The following EYA4 variants were observed in gnomAD, a reference collection of about 807,000 sequenced individuals.
EYA4 encodes the protein protein phosphatase EYA4.
EYA4 carries 31 observed loss-of-function variants against 87.9 expected under a neutral mutation model. The ratio of observed to expected loss-of-function variants is 0.35; its 90% CI spans 0.27 to 0.48. EYA4 has a LOEUF of 0.48. Among genes scored for constraint, EYA4 ranks in the 20% least tolerant of loss-of-function variants. EYA4 has a pLI of 0.99. For synonymous variants in EYA4, 263 were observed against 270.6 expected, an observed-to-expected ratio of 0.97 and a Z score of 0.28; for missense variants, 678 against 761.4, an observed-to-expected ratio of 0.89 and a Z score of 1.29.
chr6:133,325,446 A>G (rs957045766), intron 2 of EYA4: 1 of 152,182 alleles, frequency 6.6e-6, no homozygotes, highest in African/African-American at 2.4e-5. Context: ...GAAAAATAAT[A>G]TATACATAGG....
intron 13 of EYA4, among the ~76,000 whole-genome samples, chr6:133,501,971 A>G (rs1353822629): frequency 6.6e-6 from 1 of 152,162 alleles, no homozygotes; most frequent in Non-Finnish European, 1.5e-5. Context: ...TGCCCTGGTT[A>G]TACACTGGCA....
chr6:133,484,973 C>T (rs967809817), intron 13 of EYA4, among the ~76,000 whole-genome samples: 3 of 152,144 alleles, frequency 2.0e-5, no homozygotes, highest in Non-Finnish European at 4.4e-5. Flanking sequence ...AAAGATCATT[C>T]GGACCCAAGG....
At chr6:133,281,081 A>G (rs1204804929) in intron 2 of EYA4, among the ~76,000 whole-genome samples, 1 of 152,178 alleles carries the variant, frequency 6.6e-6, no homozygotes, top group Non-Finnish European at 1.5e-5. Flanking sequence ...ATAATATTCC[A>G]TTGTATGGAG....
At chr6:133,274,647 G>A (rs1777015207) in intron 1 of EYA4, 69 bp from the exon 2 acceptor site, 13 of 777,648 alleles carry the variant, frequency 1.7e-5, no homozygotes, top group South Asian at 3.0e-5. Context: ...GTCTTGATAT[G>A]TTTTTGTAAC....
At chr6:133,322,873 T>A (rs72993953) in intron 2 of EYA4, among the ~76,000 whole-genome samples, 4 of 152,316 alleles carry the variant, frequency 2.6e-5, no homozygotes, top group Middle Eastern at 3.4e-3. Context: ...TTTCAGACTT[T>A]CTATGAGTTG....
At chr6:133,382,568 GA>G in intron 3 of EYA4, 127 bp downstream of exon 3, 1 of 786,422 alleles carries the variant, frequency 1.3e-6, no homozygotes, top group South Asian at 1.4e-5. Context: ...TATCTTGATG[GA>G]AACTGTATAT....
At chr6:133,494,865 TAAA>T (rs970750514) in intron 13 of EYA4, among the ~76,000 whole-genome samples, 1 of 151,814 alleles carries the variant, frequency 6.6e-6, no homozygotes, top group Non-Finnish European at 1.5e-5. Context: ...ATAAAATAAA[TAAA>T]AGAGTTTAAT....
At chr6:133,503,271 A>G (rs1014287778) in intron 13 of EYA4, among the ~76,000 whole-genome samples, 6 of 152,240 alleles carry the variant, frequency 3.9e-5, no homozygotes, top group African/African-American at 1.4e-4. Flanking sequence ...AATCAAAAGG[A>G]ACAGTATGTT....
At chr6:133,315,608 C>A (rs1055899354) in intron 2 of EYA4, among the ~76,000 whole-genome samples, 1 of 152,014 alleles carries the variant, frequency 6.6e-6, no homozygotes, top group South Asian at 2.1e-4. Flanking sequence ...TGGGAAGATA[C>A]TGAAGCAATG....
At chr6:133,295,294 C>G (rs1256329704) in intron 2 of EYA4, among the ~76,000 whole-genome samples, 2 of 152,176 alleles carry the variant, frequency 1.3e-5, no homozygotes, top group Admixed American at 1.3e-4. Context: ...AATGCTAGGA[C>G]TCTAAGCTGA....
chr6:133,284,666 T>G (rs1411948781), intron 2 of EYA4, among the ~76,000 whole-genome samples: 1 of 152,258 alleles, frequency 6.6e-6, no homozygotes, highest in East Asian at 1.9e-4. Context: ...AGCATAAGAT[T>G]ATATGATACT....
Position 133,531,239 on chromosome 6 carries a change from A to G in EYA4, c.*2434A>G, listed in dbSNP as rs758548564. ...GCTGCCGGCATAAAACCTAAATGCA[A>G]GGTTGACGGAGAACAGCTTGTCTGG... On this transcript the variant is annotated 3_prime_UTR_variant, in exon 20 of 20. Transcript: ENST00000355286. 1 of 1,525,650 alleles carries G rather than the reference A, an allele frequency of 6.6e-7. No homozygotes were observed. Among genetic ancestry groups the G allele is most frequent in the Non-Finnish European group, 8.8e-7 (1 of 1,138,412 alleles). The allele number at this position is 1,525,650 out of a possible 1,614,324, so 94.5% of individuals were successfully genotyped here.
chr6:133,300,131 CAAGTAGATTTACTGT>C (rs1779283855), intron 2 of EYA4, among the ~76,000 whole-genome samples: 1 of 151,716 alleles, frequency 6.6e-6, no homozygotes, highest in Admixed American at 6.6e-5. Context: ...TAAGGAAGAG[CAAGTAGATTTACTGT>C]TCATTCAGTG....
chr6:133,252,947 AC>A (rs1048887479), intron 1 of EYA4, among the ~76,000 whole-genome samples: 1 of 9,668 alleles, frequency 1.0e-4, no homozygotes, highest in African/African-American at 7.2e-4. Context: ...TTGAAAACAC[AC>A]ACACACACAC....
At chr6:133,405,507 C>G (rs1033005398) in intron 3 of EYA4, among the ~76,000 whole-genome samples, 2 of 152,142 alleles carry the variant, frequency 1.3e-5, no homozygotes, top group Admixed American at 6.6e-5. Flanking sequence ...AAATCATTCT[C>G]GGTATTCTAT....
At chr6:133,387,911 G>A (rs553458093) in intron 3 of EYA4, among the ~76,000 whole-genome samples, 1 of 152,252 alleles carries the variant, frequency 6.6e-6, no homozygotes, top group Non-Finnish European at 1.5e-5. Flanking sequence ...CTTTTCTGGG[G>A]TGTGCTGACA....
intron 2 of EYA4, among the ~76,000 whole-genome samples, chr6:133,323,679 A>T (rs1001306240): frequency 6.6e-5 from 10 of 152,180 alleles, no homozygotes; most frequent in African/African-American, 2.2e-4. Context: ...CATATGTGTG[A>T]GAGAATGAGA....
At chr6:133,333,622 A>G (rs1782146676) in intron 2 of EYA4, among the ~76,000 whole-genome samples, 1 of 152,210 alleles carries the variant, frequency 6.6e-6, no homozygotes, top group Non-Finnish European at 1.5e-5. Flanking sequence ...GCATTTATTC[A>G]GAGTACTGTG....
chr6:133,426,329 G>A (rs951446418), intron 3 of EYA4, among the ~76,000 whole-genome samples: 6 of 152,170 alleles, frequency 3.9e-5, no homozygotes, highest in African/African-American at 1.2e-4. Flanking sequence ...TCAAATTATG[G>A]TGCTCAATAA....
Sources: gnomAD v4.1 joint callset for allele counts (sites outside exome capture counted in the v4.1 genomes callset) on GRCh38, gnomAD v4.1.1 for gene constraint, MANE v1.5 for transcripts, NCBI Gene and HGNC (gene_info 2026-07-23, HGNC 2026-07-21) for gene names.